Variants in CNTN1 observed in about 807,000 individuals in gnomAD.
The protein encoded by CNTN1 is contactin 1, also known as contactin-1.
CNTN1 carries 38 observed loss-of-function variants against 126.4 expected under a neutral mutation model. That is an observed-to-expected ratio of 0.30 (90% CI 0.23 to 0.39). The LOEUF (loss-of-function observed/expected upper bound fraction) is 0.39. Among genes scored for constraint, CNTN1 ranks in the 10% least tolerant of loss-of-function variants. The pLI, the probability that CNTN1 is intolerant of heterozygous loss-of-function variation, is 1.00. For missense variants in CNTN1, 1,009 were observed against 1,248.4 expected, an observed-to-expected ratio of 0.81 and a Z score of 2.89; for synonymous variants, 413 against 422.6, an observed-to-expected ratio of 0.98 and a Z score of 0.28.
At chr12:41,020,480 A>T (rs774029270) in intron 20 of CNTN1, 40 bp downstream of exon 20, 1 of 1,272,320 alleles carries the variant, frequency 7.9e-7, no homozygotes, top group South Asian at 1.2e-5. Flanking sequence ...ATTTATTCAT[A>T]AATATATAAG....
chr12:40,769,888 A>T (rs935230527), intron 1 of CNTN1, among the ~76,000 whole-genome samples: 1 of 152,170 alleles, frequency 6.6e-6, no homozygotes, highest in African/African-American at 2.4e-5. Context: ...GTAATTAGTT[A>T]TGTGTAAATA....
chr12:40,698,282 C>G (rs990991631), intron 1 of CNTN1, among the ~76,000 whole-genome samples: 1 of 124,882 alleles, frequency 8.0e-6, no homozygotes, highest in Non-Finnish European at 1.6e-5. Flanking sequence ...GTCGCCCAGG[C>G]TGGAGTGCAG....
chr12:40,808,084 C>T (rs1028228495), intron 1 of CNTN1, among the ~76,000 whole-genome samples: 3 of 152,092 alleles, frequency 2.0e-5, no homozygotes, highest in African/African-American at 7.2e-5. Context: ...AATAAGCATT[C>T]CCTGGGTGTT....
intron 21 of CNTN1, among the ~76,000 whole-genome samples, chr12:41,027,096 G>A (rs999615262): frequency 4.7e-4 from 72 of 152,044 alleles, no homozygotes; most frequent in African/African-American, 1.6e-3. Flanking sequence ...GAGGATACTC[G>A]ACATTATATT....
At chr12:40,848,825 G>GTTT (rs11318215) in intron 1 of CNTN1, among the ~76,000 whole-genome samples, 4,559 of 135,786 alleles carry the variant, frequency 0.034, 114 homozygotes, top group Middle Eastern at 0.11. Context: ...CACCAGGTGT[G>GTTT]TTTTTTTTTT....
At chr12:40,719,065 G>A (rs1245031816) in intron 1 of CNTN1, among the ~76,000 whole-genome samples, 2 of 152,022 alleles carry the variant, frequency 1.3e-5, no homozygotes, top group African/African-American at 4.8e-5. Flanking sequence ...TGTTATTACG[G>A]TTCAAAACTT....
At chr12:40,789,093 AATT>A in intron 1 of CNTN1, among the ~76,000 whole-genome samples, 1 of 152,232 alleles carries the variant, frequency 6.6e-6, no homozygotes, top group African/African-American at 2.4e-5. Flanking sequence ...ATTGCTATAT[AATT>A]ATTATTTCAG....
intron 1 of CNTN1, among the ~76,000 whole-genome samples, chr12:40,767,456 G>C (rs1250162928): frequency 4.0e-5 from 6 of 150,076 alleles, no homozygotes; most frequent in South Asian, 2.1e-4. Flanking sequence ...CTACAGGCGT[G>C]CACCACCTCG....
chr12:40,908,103 T>G (rs1944898456), intron 1 of CNTN1, among the ~76,000 whole-genome samples: 1 of 152,238 alleles, frequency 6.6e-6, no homozygotes, highest in Non-Finnish European at 1.5e-5. Flanking sequence ...GTGTCAATAC[T>G]AGGATGTCAG....
chr12:40,730,967 T>G (rs1382627739), intron 1 of CNTN1, among the ~76,000 whole-genome samples: 1 of 151,968 alleles, frequency 6.6e-6, no homozygotes, highest in East Asian at 1.9e-4. Context: ...AAAAAGATAT[T>G]ATGCAACGGG....
chr12:40,872,563 TTTTC>T (rs1212564237), intron 1 of CNTN1, among the ~76,000 whole-genome samples: 1 of 126,596 alleles, frequency 7.9e-6, no homozygotes, highest in Admixed American at 8.9e-5. Flanking sequence ...ACTAAGCATT[TTTTC>T]TTTCTTTTTT....
intron 15 of CNTN1, among the ~76,000 whole-genome samples, chr12:40,965,363 A>G (rs1033329559): frequency 2.0e-5 from 3 of 152,162 alleles, no homozygotes; most frequent in African/African-American, 7.2e-5. Context: ...CTTTCTCCAG[A>G]AAGTATGGAT....
At chr12:40,999,963 C>T (rs2120584073) in intron 17 of CNTN1, among the ~76,000 whole-genome samples, 1 of 152,126 alleles carries the variant, frequency 6.6e-6, no homozygotes, top group South Asian at 2.1e-4. Context: ...GCCTCAGCCT[C>T]CCAAAGTGCT....
At chr12:40,981,468 A>G (rs943707649) in intron 16 of CNTN1, among the ~76,000 whole-genome samples, 1 of 152,102 alleles carries the variant, frequency 6.6e-6, no homozygotes, top group East Asian at 1.9e-4. Context: ...TTTCTAAAAA[A>G]CCACATTGAT....
chr12:41,020,469 C>T, intron 20 of CNTN1, 29 bp downstream of exon 20: 1 of 1,338,670 alleles, frequency 7.5e-7, no homozygotes, highest in Non-Finnish European at 1.1e-6. Context: ...AAACTAAATA[C>T]ATTTATTCAT....
rs931020969 is a variant in CNTN1, at chr12:41,071,817, C to G, written c.*1782C>G. 1.3e-5 allele frequency: 2 copies of G among 152,112 alleles called. No individual in the cohort carries two copies. The highest frequency in any genetic ancestry group is 4.8e-5 in the African/African-American group (2 of 41,426). 9.4% of individuals were successfully genotyped at this position (152,112 alleles called of 1,614,324 possible). A position where few individuals can be genotyped will look rare whatever the true frequency, so the allele number is the denominator to read the frequency against. On this transcript the variant is annotated 3_prime_UTR_variant, in exon 24 of 24. Transcript: ENST00000551295. ...TTAGGGAAACGAATACCCTGTATAC[C>G]TTCTGTACAAATGTTTGTGTTTTCA...
intron 19 of CNTN1, among the ~76,000 whole-genome samples, chr12:41,018,696 A>ATGTGTGTG (rs150221206): frequency 1.3e-5 from 2 of 149,884 alleles, no homozygotes; most frequent in African/African-American, 4.9e-5. Flanking sequence ...ATTTTAATAT[A>ATGTGTGTG]TGTGTGTGTG....
At chr12:41,067,351 C>T (rs1950066736) in intron 23 of CNTN1, among the ~76,000 whole-genome samples, 1 of 152,068 alleles carries the variant, frequency 6.6e-6, no homozygotes, top group South Asian at 2.1e-4. Flanking sequence ...TTCTTTCGAG[C>T]AGCCACAGTT....
intron 1 of CNTN1, chr12:40,895,890 T>TG (rs1291800289): frequency 6.6e-6 from 1 of 151,684 alleles, no homozygotes; most frequent in South Asian, 2.1e-4. Flanking sequence ...CCCGAGTAGC[T>TG]GGGACTACAG....
Sources: allele counts gnomAD v4.1 joint callset (sites outside exome capture counted in the v4.1 genomes callset), GRCh38; gene constraint gnomAD v4.1.1; transcripts MANE v1.5; gene names NCBI Gene and HGNC (gene_info 2026-07-23, HGNC 2026-07-21).